Variants in GSE1 observed in about 807,000 individuals in gnomAD.
GSE1 encodes the protein Gse1 coiled-coil protein, also known as genetic suppressor element 1.
Under a neutral mutation model 112.6 loss-of-function variants are expected in GSE1, and 32 were observed. The ratio of observed to expected loss-of-function variants is 0.28; its 90% CI spans 0.21 to 0.38. GSE1 has a LOEUF of 0.38. Ranked by LOEUF, GSE1 falls within the 10% of genes least tolerant of loss-of-function variation. The pLI, the probability that GSE1 is intolerant of heterozygous loss-of-function variation, is 1.00. For missense variants in GSE1, 2,348 were observed against 1,699.2 expected (o/e 1.38, Z -6.71); for synonymous variants, 1,115 against 735.6 (o/e 1.52, Z -8.35).
chr16:85,241,092 G>A (rs1905128436), intron 1 of GSE1, among the ~76,000 whole-genome samples: 1 of 152,170 alleles, frequency 6.6e-6, no homozygotes, highest in African/African-American at 2.4e-5. Flanking sequence ...CGTGAAACGA[G>A]CCTCCTTCTT....
intron 2 of GSE1, among the ~76,000 whole-genome samples, chr16:85,468,404 C>A (rs983532715): frequency 6.6e-6 from 1 of 151,146 alleles, no homozygotes; most frequent in Admixed American, 6.6e-5. Context: ...GCAACCTCCA[C>A]CTCCTGGGTT....
intron 2 of GSE1, among the ~76,000 whole-genome samples, chr16:85,520,144 T>C (rs2052131418): frequency 6.6e-6 from 1 of 152,230 alleles, no homozygotes; most frequent in African/African-American, 2.4e-5. Context: ...TGCTGGCAGA[T>C]GAGGTGTTTG....
At chr16:85,538,998 G>A (rs555941640) in intron 2 of GSE1, among the ~76,000 whole-genome samples, 4 of 152,226 alleles carry the variant, frequency 2.6e-5, no homozygotes, top group South Asian at 4.1e-4. Context: ...CATGGCATCC[G>A]CCCTGGGTGC....
chr16:85,379,395 C>T (rs1170308233), intron 2 of GSE1, among the ~76,000 whole-genome samples: 1 of 152,200 alleles, frequency 6.6e-6, no homozygotes. Context: ...AAAACCTTGT[C>T]AGATGTAGAA....
chr16:85,359,336 C>T (rs1197149031), intron 2 of GSE1: 2 of 453,982 alleles, frequency 4.4e-6, no homozygotes, highest in South Asian at 1.6e-5. Flanking sequence ...CGTTTCTCTC[C>T]CACAGCTTTG....
At chr16:85,302,387 G>T (rs1467711025) in intron 1 of GSE1, among the ~76,000 whole-genome samples, 1 of 151,946 alleles carries the variant, frequency 6.6e-6, no homozygotes, top group Non-Finnish European at 1.5e-5. Flanking sequence ...GGACCCTAAT[G>T]AATCTCTTGT....
intron 2 of GSE1, among the ~76,000 whole-genome samples, chr16:85,359,783 G>A (rs2047025773): frequency 6.6e-6 from 1 of 152,080 alleles, no homozygotes; most frequent in Non-Finnish European, 1.5e-5. Context: ...ACTCACCCTC[G>A]GCACACCAGG....
intron 1 of GSE1, among the ~76,000 whole-genome samples, chr16:85,626,406 G>A (rs2049071676): frequency 6.6e-6 from 1 of 152,260 alleles, no homozygotes. Context: ...CGGAAGCTTC[G>A]CCCCTTTGGG....
intron 2 of GSE1, among the ~76,000 whole-genome samples, chr16:85,477,355 C>G (rs2151859630): frequency 6.6e-6 from 1 of 152,262 alleles, no homozygotes; most frequent in Non-Finnish European, 1.5e-5. Context: ...CATCCTGAGT[C>G]TTTGGCCAAA....
At chr16:85,338,934 C>T (rs1006978613) in intron 1 of GSE1, among the ~76,000 whole-genome samples, 6 of 152,172 alleles carry the variant, frequency 3.9e-5, no homozygotes, top group African/African-American at 9.7e-5. Context: ...TGGCCTGGCC[C>T]GCAGCAGGCA....
rs185408720 is a variant in GSE1, at chr16:85,663,119, A to G, written c.2373+26A>G. On this transcript the variant is annotated intron_variant, in intron 10 of 15. Transcript: ENST00000253458. ...GTACTGGGCTCTCCTCCCCACGGAC[A>G]TGCTCTGGGCTGGGCTCTCGTTCCT... 1.4e-4 allele frequency: 210 copies of G among 1,482,814 alleles called. 1 individual carries two copies. In the African/African-American group the frequency reaches 2.4e-3, roughly 17 times the overall value. 91.9% of individuals were successfully genotyped at this position (1,482,814 alleles called of 1,614,324 possible).
At chr16:85,659,114 C>T (rs533790123) in intron 8 of GSE1, among the ~76,000 whole-genome samples, 1 of 152,248 alleles carries the variant, frequency 6.6e-6, no homozygotes, top group Non-Finnish European at 1.5e-5. Flanking sequence ...GACACAGCTT[C>T]TTCCTGTGGT....
Position 85,668,494 on chromosome 16 carries a change from A to AGT in GSE1, c.3415+71_3415+72dup, listed in dbSNP as rs1348176508. On this transcript the variant is annotated intron_variant, in intron 14 of 15. Coordinates refer to ENST00000253458, the MANE Select transcript of GSE1 (RefSeq NM_014615.5). ...CCTTTGGAAAGGAAGCTGAGTGATG[A>AGT]GTTCATGCAGACCTCTGCCAGCCTG... is the stretch of plus-strand genomic sequence containing the variant. 2.6e-5 allele frequency: 28 copies of AGT among 1,057,098 alleles called. No individual in the cohort carries two copies. The African/African-American group carries it at 3.9e-4, about 15-fold the overall frequency. 65.5% of individuals were successfully genotyped at this position (1,057,098 alleles called of 1,614,324 possible).
intron 1 of GSE1, among the ~76,000 whole-genome samples, chr16:85,625,626 C>G (rs919628297): frequency 1.3e-5 from 2 of 152,192 alleles, no homozygotes; most frequent in African/African-American, 4.8e-5. Flanking sequence ...TTTGTGTTCC[C>G]AGCATGGCAG....
At chr16:85,337,278 G>C (rs1377202412) in intron 1 of GSE1, among the ~76,000 whole-genome samples, 1 of 149,852 alleles carries the variant, frequency 6.7e-6, no homozygotes, top group East Asian at 1.9e-4. Flanking sequence ...CTGCACTTGG[G>C]CTCAGGACTT....
chr16:85,560,245 C>T (rs1275065481), intron 1 of GSE1, among the ~76,000 whole-genome samples: 2 of 149,486 alleles, frequency 1.3e-5, no homozygotes, highest in African/African-American at 4.9e-5. Flanking sequence ...AAGCGATTGT[C>T]CTGCCTCAGC....
rs1332603327 is a variant in GSE1, at chr16:85,672,068, G to A, written c.3520-337G>A. On this transcript the variant is annotated intron_variant, in intron 15 of 15. Transcript: ENST00000253458. ...AGCTGGAATGCAGTGGCGCAGTCTC[G>A]GCTCACTGCAACCTCCGCCTCCTGG... The A allele has an allele frequency of 3.2e-5, 9 of 277,350 alleles. No homozygotes were observed. The East Asian group carries it at 4.0e-4, about 12-fold the overall frequency. 17.2% of individuals were successfully genotyped at this position (277,350 alleles called of 1,614,324 possible).
chr16:85,507,797 G>A (rs551062357), intron 2 of GSE1, among the ~76,000 whole-genome samples: 2 of 152,290 alleles, frequency 1.3e-5, no homozygotes, highest in South Asian at 2.1e-4. Context: ...GGATGTCAGC[G>A]TGTCAATTTT....
chr16:85,573,760 GC>G (rs1224956278), intron 1 of GSE1, among the ~76,000 whole-genome samples: 1 of 152,226 alleles, frequency 6.6e-6, no homozygotes, highest in Non-Finnish European at 1.5e-5. Context: ...GGCCCGGGAA[GC>G]ATTTCTCCTC....
Sources: gnomAD v4.1 joint callset for allele counts (sites outside exome capture counted in the v4.1 genomes callset) on GRCh38, gnomAD v4.1.1 for gene constraint, MANE v1.5 for transcripts, NCBI Gene and HGNC (gene_info 2026-07-23, HGNC 2026-07-21) for gene names.